The following EYS variants were observed in gnomAD, a reference collection of about 807,000 sequenced individuals.
The protein encoded by EYS is protein eyes shut homolog.
EYS carries 250 observed loss-of-function variants against 282.1 expected under a neutral mutation model. That is an observed-to-expected ratio of 0.89 (90% confidence interval 0.80 to 0.98). EYS has a LOEUF of 0.98. Ranked by LOEUF, EYS falls within the 50% of genes least tolerant of loss-of-function variation. The pLI is 0.00. For synonymous variants in EYS, 1,355 were observed against 1,282.9 expected, an observed-to-expected ratio of 1.06 and a Z score of -1.20; for missense variants, 4,016 against 3,709.0, an observed-to-expected ratio of 1.08 and a Z score of -2.15.
chr6:65,515,506 G>T (rs1767090900), intron 2 of EYS, among the ~76,000 whole-genome samples: 1 of 151,276 alleles, frequency 6.6e-6, no homozygotes, highest in Non-Finnish European at 1.5e-5. Context: ...GTTTATTGCG[G>T]CACTATTCAC....
At chr6:64,468,681 G>A (rs113690585) in intron 26 of EYS, among the ~76,000 whole-genome samples, 31 of 152,230 alleles carry the variant, frequency 2.0e-4, no homozygotes, top group African/African-American at 7.0e-4. Context: ...GTAGGTCCTG[G>A]TGTCTGCTGT....
intron 22 of EYS, among the ~76,000 whole-genome samples, chr6:64,683,188 A>G (rs1002930207): frequency 6.6e-6 from 1 of 152,246 alleles, no homozygotes; most frequent in South Asian, 2.1e-4. Context: ...CCAAAGGCTC[A>G]ATAGCCTATC....
At chr6:65,150,466 C>T (rs886810011) in intron 12 of EYS, among the ~76,000 whole-genome samples, 3 of 151,774 alleles carry the variant, frequency 2.0e-5, no homozygotes, top group African/African-American at 7.3e-5. Flanking sequence ...TAAATCACTC[C>T]CCTACATGTA....
intron 31 of EYS, among the ~76,000 whole-genome samples, chr6:64,135,388 T>G (rs538229509): frequency 1.2e-4 from 18 of 152,184 alleles, no homozygotes; most frequent in Admixed American, 1.2e-3. Flanking sequence ...GATCAAAATT[T>G]TATTTAGAAA....
At chr6:64,599,433 T>TA (rs1215169948) in intron 24 of EYS, among the ~76,000 whole-genome samples, 1 of 152,124 alleles carries the variant, frequency 6.6e-6, no homozygotes, top group African/African-American at 2.4e-5. Flanking sequence ...ATAAAAAGTT[T>TA]AGTGAATGAT....
intron 14 of EYS, among the ~76,000 whole-genome samples, chr6:64,975,805 A>G (rs1770457515): frequency 6.6e-6 from 1 of 151,886 alleles, no homozygotes; most frequent in Non-Finnish European, 1.5e-5. Flanking sequence ...ATTATTTTGA[A>G]AATAAACATT....
intron 5 of EYS, among the ~76,000 whole-genome samples, chr6:65,475,995 AAC>A (rs1307344908): frequency 2.0e-5 from 3 of 152,178 alleles, no homozygotes; most frequent in Admixed American, 2.0e-4. Flanking sequence ...ATACAAGTAT[AAC>A]ACCTCTTAAG....
chr6:65,607,398 T>G (rs1582512222), intron 2 of EYS, among the ~76,000 whole-genome samples: 1 of 151,980 alleles, frequency 6.6e-6, no homozygotes, highest in African/African-American at 2.4e-5. Flanking sequence ...CCCTTTGTGC[T>G]CTTGACAACT....
intron 14 of EYS, among the ~76,000 whole-genome samples, chr6:64,989,928 G>A (rs770296700): frequency 1.1e-4 from 16 of 150,784 alleles, no homozygotes; most frequent in South Asian, 6.2e-4. Context: ...TCTATTTATC[G>A]TAGGATGGTT....
At chr6:65,578,792 A>T (rs1448042680) in intron 2 of EYS, among the ~76,000 whole-genome samples, 1 of 152,098 alleles carries the variant, frequency 6.6e-6, no homozygotes, top group Non-Finnish European at 1.5e-5. Flanking sequence ...ATTTAATTTA[A>T]TCTTGCAACA....
At chr6:65,136,014 C>G (rs1049749484) in intron 12 of EYS, among the ~76,000 whole-genome samples, 1 of 151,916 alleles carries the variant, frequency 6.6e-6, no homozygotes, top group South Asian at 2.1e-4. Flanking sequence ...ACTTTCATGG[C>G]AGAAATAAAT....
At chr6:64,579,013 T>A (rs2149822843) in intron 26 of EYS, among the ~76,000 whole-genome samples, 1 of 152,262 alleles carries the variant, frequency 6.6e-6, no homozygotes, top group African/African-American at 2.4e-5. Flanking sequence ...ATTTTCTATG[T>A]ACAAGTGACT....
intron 30 of EYS, among the ~76,000 whole-genome samples, chr6:64,232,514 C>T (rs564544072): frequency 7.2e-5 from 11 of 152,012 alleles, no homozygotes; most frequent in Non-Finnish European, 1.6e-4. Flanking sequence ...CTCAGCTTCC[C>T]GAGTAGCTGG....
At position 64,993,633 on chromosome 6, in the gene EYS, G is replaced by A. The variant is rs28710139; in HGVS notation, c.2259+3949C>T. ...GGAGATATACCTAATGTTAAATGAC[G>A]AGTTAATGGGTGCAGCACACCAACA... On this transcript the variant is annotated intron_variant, in intron 14 of 42. Transcript: ENST00000503581. Among the ~76,000 whole-genome samples, 11 of 149,186 alleles carry A rather than the reference G, an allele frequency of 7.4e-5. No individual in the cohort carries two copies. The East Asian group carries it at 1.0e-3, about 14-fold the overall frequency.
intron 36 of EYS, among the ~76,000 whole-genome samples, chr6:63,841,285 A>G (rs1237535731): frequency 6.6e-6 from 1 of 152,186 alleles, no homozygotes; most frequent in African/African-American, 2.4e-5. Flanking sequence ...TTTAAATACA[A>G]TATAACAGAA....
intron 28 of EYS, among the ~76,000 whole-genome samples, chr6:64,425,459 A>C (rs1424416339): frequency 1.3e-5 from 2 of 152,016 alleles, no homozygotes; most frequent in Non-Finnish European, 2.9e-5. Context: ...GTTTGAGACC[A>C]GACTGGCCCA....
At chr6:64,429,338 T>A (rs889738947) in intron 28 of EYS, among the ~76,000 whole-genome samples, 10 of 152,132 alleles carry the variant, frequency 6.6e-5, no homozygotes, top group Admixed American at 2.6e-4. Flanking sequence ...TAAATTGAAT[T>A]AAAAATTACA....
intron 5 of EYS, among the ~76,000 whole-genome samples, chr6:65,442,015 A>G (rs1400438807): frequency 1.3e-5 from 2 of 152,098 alleles, no homozygotes; most frequent in Non-Finnish European, 2.9e-5. Flanking sequence ...TCCCAAAAAT[A>G]TGACTGTACT....
intron 12 of EYS, chr6:65,295,637 T>C (rs2150285999): frequency 1.9e-6 from 1 of 532,922 alleles, no homozygotes; most frequent in East Asian, 3.3e-5. Flanking sequence ...CCTGACCTTA[T>C]TAGTCTTATT....
Sources: gnomAD v4.1 joint callset for allele counts (sites outside exome capture counted in the v4.1 genomes callset) on GRCh38, gnomAD v4.1.1 for gene constraint, MANE v1.5 for transcripts, NCBI Gene and HGNC (gene_info 2026-07-23, HGNC 2026-07-21) for gene names.